The following HS6ST2 variants were observed in gnomAD, a reference collection of about 807,000 sequenced individuals.
HS6ST2 encodes the protein heparan-sulfate 6-O-sulfotransferase 2.
A neutral mutation model predicts 33.0 loss-of-function variants in HS6ST2; 17 were observed. The ratio of observed to expected loss-of-function variants is 0.52; its 90% confidence interval spans 0.35 to 0.77. The LOEUF is 0.77. Ranked by LOEUF, HS6ST2 falls within the 30% of genes least tolerant of loss-of-function variation. The pLI is 0.01. For missense variants in HS6ST2, 519 were observed against 551.7 expected (o/e 0.94, Z 0.59); for synonymous variants, 248 against 237.1 (o/e 1.05, Z -0.42).
intron 2 of HS6ST2, among the ~76,000 whole-genome samples, chrX:132,940,681 T>G (rs1054450829): frequency 4.5e-5 from 5 of 112,047 alleles, no homozygotes; most frequent in African/African-American, 1.6e-4. Context: ...TGAAAAAATG[T>G]TTAACATCAT....
chrX:132,781,679 A>C (rs746668954), intron 2 of HS6ST2, among the ~76,000 whole-genome samples: 1 of 111,754 alleles, frequency 8.9e-6, no homozygotes, highest in African/African-American at 3.3e-5. Context: ...TTGAGGTGGA[A>C]GGTGAACGGG....
intron 2 of HS6ST2, among the ~76,000 whole-genome samples, chrX:132,780,164 T>C (rs1325108230): frequency 9.0e-6 from 1 of 111,145 alleles, no homozygotes; most frequent in African/African-American, 3.3e-5. Context: ...TCAGTCTCCA[T>C]ATGGCCAGCC....
At chrX:132,857,483 C>CAAAAAAAAAAA (rs1267173518) in intron 2 of HS6ST2, among the ~76,000 whole-genome samples, 1 of 56,916 alleles carries the variant, frequency 1.8e-5, no homozygotes. Context: ...GACTCTGTCT[C>CAAAAAAAAAAA]AAAAAAAAAA....
In HS6ST2 at chrX:132,729,346, G is replaced by A. The variant is rs764786188; in HGVS notation, c.948-20852C>T. Among the ~76,000 whole-genome samples the A allele has an allele frequency of 5.4e-5, 6 of 111,989 alleles. No homozygotes were observed. In the South Asian group the frequency reaches 2.3e-3, roughly 42 times the overall value. On this transcript the variant is annotated intron_variant, in intron 2 of 4. Coordinates refer to ENST00000370833, the MANE Select transcript of HS6ST2 (RefSeq NM_001394073.1). ...AAGAGGGGATACAGTGAAGGGGGAG[G>A]GAGTGAGAGAAGAGCTGCCATTCAT... is the stretch of plus-strand genomic sequence containing the variant.
intron 3 of HS6ST2, among the ~76,000 whole-genome samples, chrX:132,694,760 C>T (rs1344088276): frequency 9.0e-6 from 1 of 110,889 alleles, no homozygotes; most frequent in African/African-American, 3.3e-5. Context: ...TGGCGAGAGG[C>T]GGTCAAATTC....
Position 132,956,788 on chromosome X carries a change from G to C in HS6ST2, c.947+20C>G, listed in dbSNP as rs2067078187. On this transcript the variant is annotated intron_variant, in intron 2 of 4. Coordinates refer to ENST00000370833, the MANE Select transcript of HS6ST2 (RefSeq NM_001394073.1). ...GCCCGCCTAGGCCCGGGTCCCGCTCGACTACCGGCGCGCACTCACCTGGAC... is the reference window on the plus strand; with the variant it reads ...GCCCGCCTAGGCCCGGGTCCCGCTCCACTACCGGCGCGCACTCACCTGGAC... 8.7e-7 allele frequency: 1 copy of C among 1,145,879 alleles called. No homozygotes were observed. The highest frequency in any genetic ancestry group is 2.6e-5 in the Admixed American group (1 of 38,004). 94.4% of individuals were successfully genotyped at this position (1,145,879 alleles called of 1,213,427 possible).
intron 2 of HS6ST2, among the ~76,000 whole-genome samples, chrX:132,914,170 C>T (rs5977783): frequency 0.011 from 1,290 of 112,526 alleles, 21 homozygotes; most frequent in African/African-American, 0.04. Context: ...CTGTTTAACC[C>T]ATTCTGCTCT....
At chrX:132,805,440 A>G (rs924312643) in intron 2 of HS6ST2, among the ~76,000 whole-genome samples, 1 of 104,012 alleles carries the variant, frequency 9.6e-6, no homozygotes, top group Non-Finnish European at 2.1e-5. Flanking sequence ...TGCCTCCCCC[A>G]TCCCCCTTGG....
intron 2 of HS6ST2, among the ~76,000 whole-genome samples, chrX:132,730,525 G>T (rs2064446791): frequency 8.9e-6 from 1 of 111,904 alleles, no homozygotes; most frequent in Non-Finnish European, 1.9e-5. Flanking sequence ...ACCAGAGAGG[G>T]ATTTTCGAAA....
chrX:132,694,600 A>G (rs1343953741), intron 3 of HS6ST2, among the ~76,000 whole-genome samples: 1 of 111,203 alleles, frequency 9.0e-6, no homozygotes, highest in Non-Finnish European at 1.9e-5. Flanking sequence ...GAATGACAAC[A>G]TCTCAATTAA....
chrX:132,744,940 GTTTT>G (rs964287112), intron 2 of HS6ST2, among the ~76,000 whole-genome samples: 2 of 111,854 alleles, frequency 1.8e-5, no homozygotes, highest in African/African-American at 3.3e-5. Context: ...TATGATTTGG[GTTTT>G]TTTGTTTGTT....
intron 2 of HS6ST2, among the ~76,000 whole-genome samples, chrX:132,948,771 T>C (rs1201906101): frequency 1.8e-5 from 2 of 112,485 alleles, no homozygotes; most frequent in East Asian, 5.6e-4. Context: ...AGTGGATTAT[T>C]CATTATCCTT....
chrX:132,926,313 T>A lies in HS6ST2; in HGVS notation c.947+30495A>T, dbSNP rs1365579996. Among the ~76,000 whole-genome samples the A allele has an allele frequency of 8.0e-5, 9 of 112,310 alleles. 1 individual carries two copies. Among genetic ancestry groups the A allele is most frequent in the Non-Finnish European group, 1.7e-4 (9 of 53,284 alleles). On this transcript the variant is annotated intron_variant, in intron 2 of 4. Transcript: ENST00000370833. The stretch of plus-strand genomic sequence containing the variant: ...CTGCTCTTGGGCTTGGCAACTGCAA[T>A]GGGAAGGAATGGGCATCCAAATGCC...
intron 4 of HS6ST2, among the ~76,000 whole-genome samples, chrX:132,668,017 A>G (rs2063822421): frequency 8.9e-6 from 1 of 111,861 alleles, no homozygotes; most frequent in Non-Finnish European, 1.9e-5. Context: ...GATAACCCGC[A>G]TTCAACTTTA....
At chrX:132,876,314 T>C (rs1189852154) in intron 2 of HS6ST2, among the ~76,000 whole-genome samples, 2 of 111,951 alleles carry the variant, frequency 1.8e-5, no homozygotes, top group Non-Finnish European at 3.8e-5. Flanking sequence ...CATCCAGAGT[T>C]ACACAGGCAT....
At chrX:132,889,127 C>A (rs1313520032) in intron 2 of HS6ST2, among the ~76,000 whole-genome samples, 1 of 110,227 alleles carries the variant, frequency 9.1e-6, no homozygotes, top group Non-Finnish European at 1.9e-5. Context: ...GCCATCCTGC[C>A]TCTCTGAGAA....
chrX:132,794,565 G>GATTATTATTATT (rs1292978481), intron 2 of HS6ST2, among the ~76,000 whole-genome samples: 9 of 97,309 alleles, frequency 9.2e-5, no homozygotes, highest in African/African-American at 3.8e-4. Flanking sequence ...GGATGATGAT[G>GATTATTATTATT]ATGATGATGA....
At chrX:132,639,509 T>G (rs1208548276) in intron 4 of HS6ST2, among the ~76,000 whole-genome samples, 1 of 111,583 alleles carries the variant, frequency 9.0e-6, no homozygotes, top group East Asian at 2.8e-4. Flanking sequence ...TGGGGTCCCA[T>G]GAAGGGATAT....
intron 4 of HS6ST2, among the ~76,000 whole-genome samples, chrX:132,630,227 C>A (rs2063507825): frequency 8.9e-6 from 1 of 112,359 alleles, no homozygotes; most frequent in Non-Finnish European, 1.9e-5. Context: ...CAACAATAAA[C>A]ATTGAATATT....
Sources: allele counts gnomAD v4.1 joint callset (sites outside exome capture counted in the v4.1 genomes callset), GRCh38; gene constraint gnomAD v4.1.1; transcripts MANE v1.5; gene names NCBI Gene and HGNC (gene_info 2026-07-23, HGNC 2026-07-21).